ARIH1: variants seen among roughly 807,000 people sequenced by gnomAD.
ARIH1 encodes the protein ariadne RBR E3 ubiquitin protein ligase 1, also known as E3 ubiquitin-protein ligase ARIH1.
Under a neutral mutation model 85.0 loss-of-function variants are expected in ARIH1, and 8 were observed. The ratio of observed to expected loss-of-function variants is 0.09; its 90% CI spans 0.06 to 0.17. The LOEUF is 0.17. Ranked by LOEUF, ARIH1 falls within the 10% of genes least tolerant of loss-of-function variation. The pLI is 1.00. For synonymous variants in ARIH1, 238 were observed against 253.6 expected (o/e 0.94, Z 0.59); for missense variants, 311 against 718.1 (o/e 0.43, Z 6.48).
At chr15:72,523,805 A>C (rs1167075614) in intron 2 of ARIH1, among the ~76,000 whole-genome samples, 4 of 151,378 alleles carry the variant, frequency 2.6e-5, no homozygotes, top group Non-Finnish European at 5.9e-5. Context: ...TCTAAAAAAT[A>C]ATAAGTTTTT....
At chr15:72,551,018 A>G (rs2064150756) in intron 3 of ARIH1, among the ~76,000 whole-genome samples, 1 of 152,194 alleles carries the variant, frequency 6.6e-6, no homozygotes, top group African/African-American at 2.4e-5. Context: ...TTTAAAAAAT[A>G]TAGTTGATGT....
intron 11 of ARIH1, among the ~76,000 whole-genome samples, chr15:72,573,665 A>G (rs915058487): frequency 1.3e-5 from 2 of 151,946 alleles, no homozygotes; most frequent in African/African-American, 4.8e-5. Context: ...AAATCCCTAC[A>G]AATTCCAATA....
intron 1 of ARIH1, among the ~76,000 whole-genome samples, chr15:72,497,929 TCTAGTTTC>T (rs2063886348): frequency 6.6e-6 from 1 of 152,218 alleles, no homozygotes; most frequent in African/African-American, 2.4e-5. Context: ...ATTGAGGAGA[TCTAGTTTC>T]TTGAATGTGG....
At position 72,587,043 on chromosome 15, in the gene ARIH1, A is replaced by G. The variant is rs540291594; in HGVS notation, c.*3751A>G. ...CCAAGTCCAGGTTTTAGGACAATTT[A>G]ATTTACTCTTATTTGGATCTGTAAT... On this transcript the variant is annotated 3_prime_UTR_variant, in exon 14 of 14. Coordinates refer to ENST00000379887, the MANE Select transcript of ARIH1 (RefSeq NM_005744.5). 2.7e-6 allele frequency: 1 copy of G among 373,390 alleles called. No individual in the cohort carries two copies. Among genetic ancestry groups the G allele is most frequent in the South Asian group, 2.1e-5 (1 of 48,108 alleles). The allele number at this position is 373,390 out of a possible 1,614,324, so 23.1% of individuals were successfully genotyped here. A position where few individuals can be genotyped will look rare whatever the true frequency, so the allele number is the denominator to read the frequency against.
intron 10 of ARIH1, 104 bp from the exon 11 acceptor site, chr15:72,572,004 T>C: frequency 1.3e-6 from 1 of 756,014 alleles, no homozygotes; most frequent in Non-Finnish European, 2.2e-6. Flanking sequence ...AAAGATAACG[T>C]TGGTGTTAGA....
chr15:72,533,419 C>G (rs773009261), intron 2 of ARIH1, among the ~76,000 whole-genome samples: 1 of 152,170 alleles, frequency 6.6e-6, no homozygotes, highest in Non-Finnish European at 1.5e-5. Context: ...CCCGTGGGCC[C>G]GGCCCCTGGC....
chr15:72,547,944 T>C (rs2064136934), intron 3 of ARIH1, among the ~76,000 whole-genome samples: 1 of 152,204 alleles, frequency 6.6e-6, no homozygotes, highest in Non-Finnish European at 1.5e-5. Flanking sequence ...CTCAACAAAC[T>C]AGAATTCAAA....
At chr15:72,523,987 C>G (rs1192282210) in intron 2 of ARIH1, among the ~76,000 whole-genome samples, 3 of 137,278 alleles carry the variant, frequency 2.2e-5, no homozygotes, top group African/African-American at 8.5e-5. Context: ...CGCTCTTTTG[C>G]CCAGGCTGGA....
chr15:72,501,048 C>T (rs2063900807), intron 1 of ARIH1, among the ~76,000 whole-genome samples: 1 of 152,096 alleles, frequency 6.6e-6, no homozygotes, highest in Non-Finnish European at 1.5e-5. Context: ...GAGGTACACA[C>T]TATGTATTCC....
At position 72,600,207 on chromosome 15, in the gene ARIH1, C is replaced by A. The variant is rs904689871; in HGVS notation, c.*16915C>A. On this transcript the variant is annotated 3_prime_UTR_variant, in exon 14 of 14. Transcript: ENST00000379887. ...CCTGATTCCTCTTCTATGTCCTCAGCCCCCACCATAAAAATAGATAAATGC... is the reference window on the plus strand; with the variant it reads ...CCTGATTCCTCTTCTATGTCCTCAGACCCCACCATAAAAATAGATAAATGC... The A allele has an allele frequency of 6.6e-6, 1 of 152,126 alleles. No individual in the cohort carries two copies. The highest frequency in any genetic ancestry group is 2.4e-5 in the African/African-American group (1 of 41,418). The allele number at this position is 152,126 out of a possible 1,614,324, so 9.4% of individuals were successfully genotyped here.
intron 2 of ARIH1, among the ~76,000 whole-genome samples, chr15:72,524,306 G>A (rs912827151): frequency 1.0e-4 from 15 of 150,338 alleles, no homozygotes; most frequent in Admixed American, 3.3e-4. Context: ...GAGTGCAATG[G>A]TGCAATGTCC....
intron 3 of ARIH1, 55 bp downstream of exon 3, chr15:72,545,019 C>A: frequency 6.9e-7 from 1 of 1,447,062 alleles, no homozygotes; most frequent in South Asian, 1.5e-5. Flanking sequence ...GAGGGTAAAT[C>A]AACTTCCATT....
At chr15:72,493,544 A>C (rs924583499) in intron 1 of ARIH1, among the ~76,000 whole-genome samples, 8 of 152,164 alleles carry the variant, frequency 5.3e-5, no homozygotes, top group South Asian at 4.1e-4. Flanking sequence ...ATTCATCTTG[A>C]TATTACTATA....
At chr15:72,570,976 A>G (rs1288638718) in intron 10 of ARIH1, among the ~76,000 whole-genome samples, 1 of 151,816 alleles carries the variant, frequency 6.6e-6, no homozygotes, top group African/African-American at 2.4e-5. Flanking sequence ...CTAAAAATAC[A>G]AAATTAGCCA....
At chr15:72,515,337 G>A (rs981491538) in intron 1 of ARIH1, among the ~76,000 whole-genome samples, 4 of 151,904 alleles carry the variant, frequency 2.6e-5, no homozygotes, top group African/African-American at 7.2e-5. Context: ...ACTACGTCTC[G>A]AAAAATAAAA....
At chr15:72,533,199 G>T (rs1481108071) in intron 2 of ARIH1, among the ~76,000 whole-genome samples, 2 of 152,154 alleles carry the variant, frequency 1.3e-5, no homozygotes, top group African/African-American at 2.4e-5. Context: ...TGAGATCATG[G>T]CTCACTGCAG....
Position 72,544,612 on chromosome 15 carries a change from A to AATAT in ARIH1, c.444-197_444-194dup, listed in dbSNP as rs111299421. ...AGTAGACTGAATTTTTGCTGTTTGC[A>AATAT]ATATATATATATATGCACATGTATA... On this transcript the variant is annotated intron_variant, in intron 2 of 13. Transcript: ENST00000379887. 6.2e-4 allele frequency among the ~76,000 whole-genome samples: 93 copies of AATAT among 149,930 alleles called. 1 individual carries two copies. Among genetic ancestry groups the AATAT allele is most frequent in the African/African-American group, 2.2e-3 (87 of 40,354 alleles).
At chr15:72,561,101 G>T (rs970743045) in intron 5 of ARIH1, among the ~76,000 whole-genome samples, 3 of 152,146 alleles carry the variant, frequency 2.0e-5, no homozygotes, top group African/African-American at 7.2e-5. Flanking sequence ...ACTGATTTGG[G>T]TGGGGTGTCT....
chr15:72,519,471 T>TTTTG, intron 2 of ARIH1, among the ~76,000 whole-genome samples: 1 of 130,994 alleles, frequency 7.6e-6, no homozygotes, highest in African/African-American at 2.8e-5. Flanking sequence ...ACCATGTTTT[T>TTTTG]TTTGTTTTTT....
Sources: allele counts gnomAD v4.1 joint callset (sites outside exome capture counted in the v4.1 genomes callset), GRCh38; gene constraint gnomAD v4.1.1; transcripts MANE v1.5; gene names NCBI Gene and HGNC (gene_info 2026-07-23, HGNC 2026-07-21).